CLASP1: variants seen among roughly 807,000 people sequenced by gnomAD.
The protein encoded by CLASP1 is CLIP-associating protein 1.
In CLASP1, 38 loss-of-function variants were observed where a neutral mutation model predicts 192.3. The observed-to-expected ratio is 0.20, with a 90% confidence interval of 0.15 to 0.26. The LOEUF (loss-of-function observed/expected upper bound fraction) is 0.26. Among genes scored for constraint, CLASP1 ranks in the 10% least tolerant of loss-of-function variants. The pLI is 1.00. For missense variants in CLASP1, 1,433 were observed against 1,932.5 expected, an observed-to-expected ratio of 0.74 and a Z score of 4.85; for synonymous variants, 691 against 712.8, an observed-to-expected ratio of 0.97 and a Z score of 0.49.
chr2:121,387,198 G>T, exon 32 of CLASP1: 1 of 1,608,778 alleles, frequency 6.2e-7, no homozygotes, highest in Non-Finnish European at 8.5e-7. Flanking sequence ...TGTCGGGAGG[G>T]CGTCCGGCCA....
Position 121,383,637 on chromosome 2 carries a change from C to T in CLASP1, c.3375-1313G>A, listed in dbSNP as rs185857756. ...GCTATTTACACAGAGTCATCCTGCT[C>T]TATGACATGTTTGCCAAGAACATAT... On this transcript the variant is annotated intron_variant, in intron 32 of 39. Coordinates refer to ENST00000263710, the Ensembl canonical transcript of CLASP1. Among the ~76,000 whole-genome samples, 431 of 152,156 alleles carry T rather than the reference C, an allele frequency of 2.8e-3. 1 individual carries two copies. The highest frequency in any genetic ancestry group is 5.4e-3 in the Admixed American group (82 of 15,296).
chr2:121,459,161 T>A (rs1307476864), intron 12 of CLASP1, among the ~76,000 whole-genome samples, 186 bp from the exon 13 acceptor site: 1 of 151,676 alleles, frequency 6.6e-6, no homozygotes, highest in East Asian at 1.9e-4. Context: ...GTTTTTTTTT[T>A]TAAAAAAAAA....
chr2:121,575,015 C>T (rs926427587), intron 2 of CLASP1, among the ~76,000 whole-genome samples: 5 of 152,050 alleles, frequency 3.3e-5, no homozygotes, highest in East Asian at 1.9e-4. Context: ...TGAGGTAACG[C>T]ATATACTAAT....
chr2:121,574,206 T>C (rs139711636), intron 2 of CLASP1, among the ~76,000 whole-genome samples: 2,063 of 151,990 alleles, frequency 0.014, 42 homozygotes, highest in African/African-American at 0.046. Context: ...CGGGTGCCTA[T>C]AGTCCCAGTT....
chr2:121,542,249 C>T (rs2095249995), intron 2 of CLASP1, among the ~76,000 whole-genome samples: 2 of 152,162 alleles, frequency 1.3e-5, no homozygotes, highest in Non-Finnish European at 2.9e-5. Context: ...GTGCTCTCAT[C>T]CTCTTAGTAC....
At chr2:121,594,751 AC>A (rs1342510060) in intron 2 of CLASP1, among the ~76,000 whole-genome samples, 1 of 152,160 alleles carries the variant, frequency 6.6e-6, no homozygotes, top group Non-Finnish European at 1.5e-5. Context: ...TAAATGAATG[AC>A]CTTGTTTCTA....
chr2:121,491,245 T>A (rs1229291162), intron 8 of CLASP1, among the ~76,000 whole-genome samples: 1 of 152,250 alleles, frequency 6.6e-6, no homozygotes, highest in African/African-American at 2.4e-5. Context: ...TTACTTGTTA[T>A]CTACTTTATA....
chr2:121,592,578 T>A (rs1465650982), intron 2 of CLASP1, among the ~76,000 whole-genome samples: 1 of 152,144 alleles, frequency 6.6e-6, no homozygotes, highest in Non-Finnish European at 1.5e-5. Flanking sequence ...TGAAGCCAAC[T>A]AATAAATGAA....
In CLASP1 at chr2:121,459,943, A is replaced by G. The variant is rs202224850; in HGVS notation, c.1178+37T>C. ...ATCTCTGAAGCTCTGTGGTGACACT[A>G]TTTTATGGTGAGAATATGGAGCATC... On this transcript the variant is annotated intron_variant, in intron 12 of 39. Coordinates refer to ENST00000263710, the Ensembl canonical transcript of CLASP1. The G allele has an allele frequency of 4.1e-4, 640 of 1,572,182 alleles. 6 individuals are homozygous for G. The South Asian group carries it at 4.3e-3, about 10-fold the overall frequency.
chr2:121,455,552 A>G (rs978398543), intron 14 of CLASP1, among the ~76,000 whole-genome samples: 1 of 152,246 alleles, frequency 6.6e-6, no homozygotes, highest in African/African-American at 2.4e-5. Flanking sequence ...TAAGCCAGGC[A>G]TACAAAGACA....
chr2:121,528,625 TG>T, intron 4 of CLASP1, 51 bp downstream of exon 4: 1 of 1,389,196 alleles, frequency 7.2e-7, no homozygotes. Context: ...CCCTCGCACG[TG>T]CATGCACGCG....
intron 20 of CLASP1, among the ~76,000 whole-genome samples, chr2:121,429,346 C>T (rs932020927): frequency 6.6e-5 from 10 of 152,182 alleles, no homozygotes; most frequent in Non-Finnish European, 1.5e-4. Context: ...CCTTCCCACG[C>T]TCACCTTGCC....
At chr2:121,365,681 G>C (rs1173303448) in intron 35 of CLASP1, among the ~76,000 whole-genome samples, 1 of 152,182 alleles carries the variant, frequency 6.6e-6, no homozygotes, top group Admixed American at 6.5e-5. Flanking sequence ...CCACTGGACA[G>C]CCTCTTACCA....
exon 20 of CLASP1, chr2:121,430,121 G>A (rs2081135922): frequency 1.3e-6 from 2 of 1,578,734 alleles, no homozygotes; most frequent in Non-Finnish European, 1.7e-6. Flanking sequence ...CGGTTATCAG[G>A]TGTAGAGGCG....
intron 6 of CLASP1, among the ~76,000 whole-genome samples, chr2:121,518,746 G>C (rs556989113): frequency 6.6e-6 from 1 of 151,966 alleles, no homozygotes; most frequent in South Asian, 2.1e-4. Flanking sequence ...GCATGGCGGC[G>C]AGCGCCTGTT....
chr2:121,559,454 T>C (rs967250610), intron 2 of CLASP1, among the ~76,000 whole-genome samples: 1 of 152,114 alleles, frequency 6.6e-6, no homozygotes, highest in Non-Finnish European at 1.5e-5. Flanking sequence ...ATCCAACAAC[T>C]GACAAAATGT....
intron 14 of CLASP1, among the ~76,000 whole-genome samples, chr2:121,457,409 C>G (rs2086899057): frequency 6.6e-6 from 1 of 151,798 alleles, no homozygotes; most frequent in African/African-American, 2.4e-5. Context: ...GTCCTCTCCC[C>G]TTCTCCTTCT....
At chr2:121,491,930 C>A (rs2093327724) in intron 8 of CLASP1, among the ~76,000 whole-genome samples, 1 of 152,064 alleles carries the variant, frequency 6.6e-6, no homozygotes, top group South Asian at 2.1e-4. Context: ...ATATACAAAC[C>A]CTTGATAAAT....
intron 2 of CLASP1, among the ~76,000 whole-genome samples, chr2:121,580,411 A>T (rs532628660): frequency 6.6e-6 from 1 of 152,324 alleles, no homozygotes; most frequent in South Asian, 2.1e-4. Flanking sequence ...GAGGTATTTT[A>T]AAAATGCAAG....
Sources: allele counts gnomAD v4.1 joint callset (sites outside exome capture counted in the v4.1 genomes callset), GRCh38; gene constraint gnomAD v4.1.1; transcripts MANE v1.5; gene names NCBI Gene and HGNC (gene_info 2026-07-23, HGNC 2026-07-21).